Variants in VWC2 observed in about 807,000 individuals in gnomAD.
The protein encoded by VWC2 is brorin.
VWC2 carries 14 observed loss-of-function variants against 29.8 expected under a neutral mutation model. That is an observed-to-expected ratio of 0.47 (90% confidence interval 0.31 to 0.74). The LOEUF (loss-of-function observed/expected upper bound fraction) is 0.74. VWC2 is among the 30% of genes least tolerant of loss of function. VWC2 has a pLI of 0.05. For missense variants in VWC2, 457 were observed against 459.8 expected, an observed-to-expected ratio of 0.99 and a Z score of 0.05; for synonymous variants, 213 against 199.0, an observed-to-expected ratio of 1.07 and a Z score of -0.59.
chr7:49,852,416 C>T lies in VWC2; in HGVS notation c.826+49576C>T, dbSNP rs186387021. On this transcript the variant is annotated intron_variant, in intron 3 of 3. Transcript: ENST00000340652. ...TCACTCATCTCCTTAACAAGGTGAC[C>T]GGTGCTGTTTTGCACTTGCTAGAAA... 6.6e-5 allele frequency among the ~76,000 whole-genome samples: 10 copies of T among 152,332 alleles called. No individual in the cohort carries two copies. In the East Asian group the frequency reaches 1.2e-3, roughly 18 times the overall value.
chr7:49,833,428 G>A (rs996197189), intron 3 of VWC2, among the ~76,000 whole-genome samples: 1 of 152,178 alleles, frequency 6.6e-6, no homozygotes, highest in East Asian at 1.9e-4. Flanking sequence ...TTTTGCAGTA[G>A]AGAAAAGATT....
chr7:49,892,342 G>A (rs1424239416), intron 3 of VWC2, among the ~76,000 whole-genome samples: 1 of 152,044 alleles, frequency 6.6e-6, no homozygotes, highest in African/African-American at 2.4e-5. Context: ...CACCGCGCCC[G>A]GCCAGACAAA....
chr7:49,870,120 G>A lies in VWC2; in HGVS notation c.827-41914G>A, dbSNP rs376648047. ...GGAAACCTGGAGTGAAAACATTTTCGCTGGGTGCGGTGGCTCATACCTGTA... is the reference window on the plus strand; with the variant it reads ...GGAAACCTGGAGTGAAAACATTTTCACTGGGTGCGGTGGCTCATACCTGTA... On this transcript the variant is annotated intron_variant, in intron 3 of 3. Transcript: ENST00000340652. Among the ~76,000 whole-genome samples, 240 of 152,312 alleles carry A rather than the reference G, an allele frequency of 1.6e-3. 3 individuals are homozygous for A. The highest frequency in any genetic ancestry group is 5.4e-3 in the African/African-American group (225 of 41,570).
chr7:49,901,016 C>A (rs1346955162), intron 3 of VWC2: 2 of 151,714 alleles, frequency 1.3e-5, no homozygotes, highest in African/African-American at 4.8e-5. Context: ...AAAGACCTGA[C>A]AAAATCTAAC....
intron 3 of VWC2, among the ~76,000 whole-genome samples, chr7:49,911,022 T>A (rs1400851037): frequency 6.6e-6 from 1 of 152,218 alleles, no homozygotes; most frequent in Non-Finnish European, 1.5e-5. Context: ...TCAAGCAGTT[T>A]GCTTGTTTTA....
Position 49,802,726 on chromosome 7 carries a change from A to T in VWC2, c.712A>T (p.Arg238Trp), listed in dbSNP as rs749731053. The change falls in exon 3 of 4, where the codon AGG becomes TGG. Residue 238 changes from arginine (R) to tryptophan (W), a missense_variant. This residue lies in a region of VWC2 where 185 missense variants were observed against 257.1 expected (regional missense o/e 0.72). Coordinates refer to ENST00000340652, the MANE Select transcript of VWC2 (RefSeq NM_198570.5). ...TGTGTTTCAGGTGTCTCCATGCGAG[A>T]GGTGTCGCTGTGAAGCCAACGGTGA... is the stretch of plus-strand genomic sequence containing the variant. Reference protein sequence around the residue: ...LEEFVVSPCERCRCEANGEVL... With the variant: ...LEEFVVSPCEWCRCEANGEVL... 2.5e-6 allele frequency: 4 copies of T among 1,614,188 alleles called. No homozygotes were observed. In the South Asian group the frequency reaches 4.4e-5, roughly 18 times the overall value.
At chr7:49,777,213 C>T (rs1788072736) in intron 2 of VWC2, among the ~76,000 whole-genome samples, 1 of 152,106 alleles carries the variant, frequency 6.6e-6, no homozygotes, top group South Asian at 2.1e-4. Flanking sequence ...CTGCAGAGGG[C>T]GTTATGGAAC....
chr7:49,871,786 A>C (rs1380545538), intron 3 of VWC2, among the ~76,000 whole-genome samples: 3 of 152,052 alleles, frequency 2.0e-5, no homozygotes, highest in Non-Finnish European at 4.4e-5. Context: ...AACAGCATGC[A>C]TTTTGTAATT....
At chr7:49,857,942 G>T (rs183469953) in intron 3 of VWC2, among the ~76,000 whole-genome samples, 20 of 152,304 alleles carry the variant, frequency 1.3e-4, no homozygotes, top group African/African-American at 4.6e-4. Context: ...ATACATCAGA[G>T]ATGAGACCAC....
intron 3 of VWC2, among the ~76,000 whole-genome samples, chr7:49,833,956 G>A (rs1789597772): frequency 6.6e-6 from 1 of 152,174 alleles, no homozygotes; most frequent in South Asian, 2.1e-4. Flanking sequence ...AGCAACCAAA[G>A]CAGATAAAGT....
Position 49,829,915 on chromosome 7 carries a change from G to A in VWC2, c.826+27075G>A, listed in dbSNP as rs191569259. ...CTGCTACCTGGAAGCAGAACTTCAC[G>A]TTGATTGATTTATGTGTCATTAACT... is the stretch of plus-strand genomic sequence containing the variant. On this transcript the variant is annotated intron_variant, in intron 3 of 3. Coordinates refer to ENST00000340652, the MANE Select transcript of VWC2 (RefSeq NM_198570.5). Among the ~76,000 whole-genome samples, 41 of 152,260 alleles carry A rather than the reference G, an allele frequency of 2.7e-4. No homozygotes were observed. The South Asian group carries it at 4.4e-3, about 16-fold the overall frequency.
Position 49,885,538 on chromosome 7 carries a change from G to A in VWC2, c.827-26496G>A, listed in dbSNP as rs536490459. Among the ~76,000 whole-genome samples, 4 of 152,200 alleles carry A rather than the reference G, an allele frequency of 2.6e-5. No individual in the cohort carries two copies. In the East Asian group the frequency reaches 7.7e-4, roughly 29 times the overall value. ...TATAATTAGGATTTTTTCTAATAACGTTTTTCAGTTACAAGAATTATCTAT... is the reference window on the plus strand; with the variant it reads ...TATAATTAGGATTTTTTCTAATAACATTTTTCAGTTACAAGAATTATCTAT... On this transcript the variant is annotated intron_variant, in intron 3 of 3. Coordinates refer to ENST00000340652, the MANE Select transcript of VWC2 (RefSeq NM_198570.5).
At chr7:49,872,992 T>TA (rs893907749) in intron 3 of VWC2, among the ~76,000 whole-genome samples, 24 of 130,618 alleles carry the variant, frequency 1.8e-4, no homozygotes, top group African/African-American at 6.2e-4. Context: ...AAATAATTAA[T>TA]AAAAAAATCT....
intron 3 of VWC2, among the ~76,000 whole-genome samples, chr7:49,903,188 G>T (rs1408733262): frequency 6.6e-6 from 1 of 152,166 alleles, no homozygotes; most frequent in Non-Finnish European, 1.5e-5. Context: ...AAAACAGTTT[G>T]TCAGTTTCTT....
At chr7:49,827,324 T>A (rs1414532493) in intron 3 of VWC2, among the ~76,000 whole-genome samples, 1 of 152,130 alleles carries the variant, frequency 6.6e-6, no homozygotes, top group African/African-American at 2.4e-5. Context: ...GCATTTTGAC[T>A]TTAAGTGTTA....
intron 3 of VWC2, among the ~76,000 whole-genome samples, chr7:49,872,915 C>CAAAAAAAAAAAAAAAAAAAAAAAA (rs61473396): frequency 8.8e-5 from 3 of 33,960 alleles, no homozygotes; most frequent in Non-Finnish European, 1.1e-4. Flanking sequence ...GACTTTGTCT[C>CAAAAAAAAAAAAAAAAAAAAAAAA]AAAAAAAAAA....
intron 3 of VWC2, among the ~76,000 whole-genome samples, chr7:49,803,766 G>A (rs935776310): frequency 6.6e-6 from 1 of 152,202 alleles, no homozygotes; most frequent in Non-Finnish European, 1.5e-5. Flanking sequence ...TGACACAGGG[G>A]TGGTCATGGT....
chr7:49,914,567 AACTTGGATTTTTGACACTGTATAT>A lies in VWC2; in HGVS notation c.*2386_*2409del, dbSNP rs1329093969. The A allele has an allele frequency of 1.3e-5, 2 of 152,170 alleles. No homozygotes were observed. The highest frequency in any genetic ancestry group is 4.8e-5 in the African/African-American group (2 of 41,444). 9.4% of individuals were successfully genotyped at this position (152,170 alleles called of 1,614,324 possible). A position where few individuals can be genotyped will look rare whatever the true frequency, so the allele number is the denominator to read the frequency against. Reference sequence around the variant, plus strand: ...AATGCATAAACCAAACACATGGAAGAACTTGGATTTTTGACACTGTATATACTCATTAATAATAATGGCATTATT... The same window carrying A: ...AATGCATAAACCAAACACATGGAAGAACTCATTAATAATAATGGCATTATT... On this transcript the variant is annotated 3_prime_UTR_variant, in exon 4 of 4. Coordinates refer to ENST00000340652, the MANE Select transcript of VWC2 (RefSeq NM_198570.5).
intron 3 of VWC2, among the ~76,000 whole-genome samples, chr7:49,826,747 T>G (rs1339797293): frequency 6.6e-6 from 1 of 152,184 alleles, no homozygotes; most frequent in Non-Finnish European, 1.5e-5. Context: ...AAAAGGTTTT[T>G]AATAGATTTC....
Sources: allele counts gnomAD v4.1 joint callset (sites outside exome capture counted in the v4.1 genomes callset), GRCh38; gene constraint gnomAD v4.1.1; regional missense constraint gnomAD v4.1.1; transcripts MANE v1.5; gene names NCBI Gene and HGNC (gene_info 2026-07-23, HGNC 2026-07-21).